Variants in SLCO3A1 observed in about 807,000 individuals in gnomAD.
SLCO3A1 encodes solute carrier organic anion transporter family member 3A1.
SLCO3A1 carries 27 observed loss-of-function variants against 63.1 expected under a neutral mutation model. The ratio of observed to expected loss-of-function variants is 0.43; its 90% CI spans 0.32 to 0.59. SLCO3A1 has a LOEUF of 0.59. SLCO3A1 is among the 20% of genes least tolerant of loss of function. The probability of loss-of-function intolerance (pLI) is 0.09; values close to 1 mark genes in which losing one functional copy is unlikely to be tolerated. For missense variants in SLCO3A1, 773 were observed against 945.8 expected, an observed-to-expected ratio of 0.82 and a Z score of 2.40; for synonymous variants, 473 against 409.9, an observed-to-expected ratio of 1.15 and a Z score of -1.86.
intron 1 of SLCO3A1, among the ~76,000 whole-genome samples, chr15:91,884,662 A>C (rs1260887363): frequency 6.6e-6 from 1 of 152,206 alleles, no homozygotes; most frequent in Non-Finnish European, 1.5e-5. Context: ...TCTATTTTCT[A>C]GTATTAAATG....
At chr15:92,151,236 C>G in intron 9 of SLCO3A1, 1 of 457,406 alleles carries the variant, frequency 2.2e-6, no homozygotes. Flanking sequence ...CTTATCTTCA[C>G]GCCACCGTGA....
intron 3 of SLCO3A1, among the ~76,000 whole-genome samples, chr15:92,102,617 A>G (rs2047619717): frequency 6.6e-6 from 1 of 152,194 alleles, no homozygotes; most frequent in Non-Finnish European, 1.5e-5. Context: ...TCCCCTCTCC[A>G]GCATGTAGCT....
rs1270626147 is a variant in SLCO3A1, at chr15:91,995,732, T to TG, written c.646+79275dup. ...TTATACATACCTTGAAAGATTTTCT[T>TG]GAAAAAAAAAAAAAAAAAAACTTGT... On this transcript the variant is annotated intron_variant, in intron 2 of 9. Coordinates refer to ENST00000318445, the MANE Select transcript of SLCO3A1 (RefSeq NM_013272.4). 5.9e-5 allele frequency among the ~76,000 whole-genome samples: 4 copies of TG among 68,036 alleles called. No individual in the cohort carries two copies. The East Asian group carries it at 9.7e-4, about 16-fold the overall frequency. 44.6% of individuals were successfully genotyped at this position (68,036 alleles called of 152,430 possible). A position where few individuals can be genotyped will look rare whatever the true frequency, so the allele number is the denominator to read the frequency against.
chr15:91,973,517 G>A (rs1900965569), intron 2 of SLCO3A1, among the ~76,000 whole-genome samples: 1 of 152,202 alleles, frequency 6.6e-6, no homozygotes, highest in Non-Finnish European at 1.5e-5. Flanking sequence ...TATTGTCTGA[G>A]TGTCTAAAAT....
At chr15:92,072,651 G>C (rs527877362) in intron 2 of SLCO3A1, among the ~76,000 whole-genome samples, 1 of 152,192 alleles carries the variant, frequency 6.6e-6, no homozygotes, top group Non-Finnish European at 1.5e-5. Flanking sequence ...GAAGCCAGGG[G>C]AGAATCCTTC....
At chr15:92,026,460 T>G (rs184385218) in intron 2 of SLCO3A1, among the ~76,000 whole-genome samples, 22 of 152,316 alleles carry the variant, frequency 1.4e-4, no homozygotes, top group Middle Eastern at 3.4e-3. Flanking sequence ...TTTATTTTTA[T>G]TTTTCCTACT....
chr15:92,110,471 TTCCCTC>T (rs2151551552), intron 4 of SLCO3A1, among the ~76,000 whole-genome samples: 1 of 152,228 alleles, frequency 6.6e-6, no homozygotes, highest in African/African-American at 2.4e-5. Flanking sequence ...TCATGCCCTG[TTCCCTC>T]CACGCCCACC....
chr15:91,854,105 A>T lies in SLCO3A1; in HGVS notation c.180+17A>T, dbSNP rs1303566642. The T allele has an allele frequency of 6.8e-7, 1 of 1,463,770 alleles. No individual in the cohort carries two copies. The highest frequency in any genetic ancestry group is 9.1e-7 in the Non-Finnish European group (1 of 1,099,616). The allele number at this position is 1,463,770 out of a possible 1,614,324, so 90.7% of individuals were successfully genotyped here. A position where few individuals can be genotyped will look rare whatever the true frequency, so the allele number is the denominator to read the frequency against. ...GCCTACCTGGTGAGTCCCCGAGCCA[A>T]CTCCGCCGCGGGCCCCTTCCCCAGC... On this transcript the variant is annotated intron_variant, in intron 1 of 9. Coordinates refer to ENST00000318445, the MANE Select transcript of SLCO3A1 (RefSeq NM_013272.4). This position sits in a 1 kb window ranked among gnomAD's most constrained non-coding sequence, Gnocchi z 6.4.
chr15:92,014,576 A>G (rs2046404748), intron 2 of SLCO3A1, among the ~76,000 whole-genome samples: 1 of 152,100 alleles, frequency 6.6e-6, no homozygotes, highest in Non-Finnish European at 1.5e-5. Flanking sequence ...GAAAATGGAA[A>G]CCTGCCCTCT....
Position 91,981,290 on chromosome 15 carries a change from A to G in SLCO3A1, c.646+64832A>G, listed in dbSNP as rs527566470. On this transcript the variant is annotated intron_variant, in intron 2 of 9. Coordinates refer to ENST00000318445, the MANE Select transcript of SLCO3A1 (RefSeq NM_013272.4). The stretch of plus-strand genomic sequence containing the variant: ...TTTGTGCCATGGCTCACCTCTGACT[A>G]TGACACTTCTTGCTCAGAAAGCTCC... Among the ~76,000 whole-genome samples, 15 of 152,236 alleles carry G rather than the reference A, an allele frequency of 9.9e-5. No homozygotes were observed. In the South Asian group the frequency reaches 3.1e-3, roughly 32 times the overall value.
chr15:92,052,749 A>G (rs904263758), intron 2 of SLCO3A1, among the ~76,000 whole-genome samples: 15 of 152,378 alleles, frequency 9.8e-5, no homozygotes, highest in Middle Eastern at 3.4e-3. Flanking sequence ...GCCAGTCCAC[A>G]CTGAGATGTA....
At chr15:92,166,548 AGCTTCCCCTCACTCACACTATG>A (rs2048494580), downstream of SLCO3A1, among the ~76,000 whole-genome samples, 1 of 152,100 alleles carries the variant, frequency 6.6e-6, no homozygotes, top group Non-Finnish European at 1.5e-5. Context: ...ATTGCCCTCC[AGCTTCCCCTCACTCACACTATG>A]GCAGGGCTTC....
rs191327147 is a variant in SLCO3A1 at position 92,047,817 on chromosome 15, C to A, written c.647-47064C>A. ...GCCTAGTTATGGGCTTGAGCCTCTT[C>A]CTGCTCAGCCTCAGGTCCTCCCACC... On this transcript the variant is annotated intron_variant, in intron 2 of 9. Coordinates refer to ENST00000318445, the MANE Select transcript of SLCO3A1 (RefSeq NM_013272.4). Among the ~76,000 whole-genome samples the A allele has an allele frequency of 1.9e-4, 28 of 150,694 alleles. 1 individual carries two copies. Among genetic ancestry groups the A allele is most frequent in the Admixed American group, 1.1e-3 (17 of 14,816 alleles).
chr15:91,998,529 A>G (rs773675251), intron 2 of SLCO3A1, among the ~76,000 whole-genome samples: 38 of 152,174 alleles, frequency 2.5e-4, no homozygotes, highest in Non-Finnish European at 4.9e-4. Context: ...ACCAACAAAT[A>G]TATGAAAAAA....
At chr15:91,871,832 T>C (rs1897290363) in intron 1 of SLCO3A1, among the ~76,000 whole-genome samples, 1 of 137,166 alleles carries the variant, frequency 7.3e-6, no homozygotes, top group African/African-American at 2.7e-5. Flanking sequence ...TTAATTCAAA[T>C]TTAGGAAGAG....
intron 9 of SLCO3A1, among the ~76,000 whole-genome samples, chr15:92,154,545 C>T (rs189917115): frequency 6.6e-6 from 1 of 152,314 alleles, no homozygotes; most frequent in East Asian, 1.9e-4. Context: ...ATGCACCACC[C>T]TCATGGGTCA....
At chr15:91,929,847 T>C (rs1899162031) in intron 2 of SLCO3A1, among the ~76,000 whole-genome samples, 1 of 152,190 alleles carries the variant, frequency 6.6e-6, no homozygotes, top group African/African-American at 2.4e-5. Flanking sequence ...GGTTCATCCA[T>C]GTTGCAGCAT....
rs949688712 is a variant in SLCO3A1 at position 91,886,152 on chromosome 15, T to C, written c.181-29841T>C. Among the ~76,000 whole-genome samples the C allele has an allele frequency of 6.6e-6, 1 of 152,184 alleles. No homozygotes were observed. Among genetic ancestry groups the C allele is most frequent in the Non-Finnish European group, 1.5e-5 (1 of 68,042 alleles). On this transcript the variant is annotated intron_variant, in intron 1 of 9. Transcript: ENST00000318445. The surrounding 1 kb of genome is among the most constrained non-coding windows in gnomAD (Gnocchi z 4.9). Reference sequence around the variant, plus strand: ...ACCTCTGCATTTTTGCCTTTGATTGTTCCCTTTCTTGAGTGTGTCCTGCGC... The same window carrying C: ...ACCTCTGCATTTTTGCCTTTGATTGCTCCCTTTCTTGAGTGTGTCCTGCGC...
intron 8 of SLCO3A1, among the ~76,000 whole-genome samples, chr15:92,150,457 A>C (rs895790966): frequency 7.2e-5 from 11 of 152,150 alleles, no homozygotes; most frequent in Non-Finnish European, 1.5e-4. Context: ...TTATTTCCCA[A>C]ATGGTCCATC....
Sources: gnomAD v4.1 joint callset for allele counts (sites outside exome capture counted in the v4.1 genomes callset) on GRCh38, gnomAD v4.1.1 for gene constraint, Gnocchi (gnomAD v3.1) non-coding constraint, MANE v1.5 for transcripts, NCBI Gene and HGNC (gene_info 2026-07-23, HGNC 2026-07-21) for gene names.